Variants in SCARA5 observed in about 807,000 individuals in gnomAD.
SCARA5 encodes the protein scavenger receptor class A, member 5 (putative).
A neutral mutation model predicts 46.3 loss-of-function variants in SCARA5; 45 were observed. That is an observed-to-expected ratio of 0.97 (90% CI 0.76 to 1.24). The LOEUF (loss-of-function observed/expected upper bound fraction) is 1.24. SCARA5 is among the 50% of genes most tolerant of loss of function. The pLI is 0.00. For synonymous variants in SCARA5, 333 were observed against 306.5 expected (o/e 1.09, Z -0.90); for missense variants, 680 against 689.0 (o/e 0.99, Z 0.15).
At chr8:27,958,303 C>T (rs2129918449) in intron 3 of SCARA5, among the ~76,000 whole-genome samples, 1 of 152,334 alleles carries the variant, frequency 6.6e-6, no homozygotes, top group South Asian at 2.1e-4. Context: ...TCCTCCTCCC[C>T]CTCTTCCGGG....
chr8:27,959,291 T>C (rs1211674168), intron 3 of SCARA5, among the ~76,000 whole-genome samples: 2 of 152,136 alleles, frequency 1.3e-5, no homozygotes, highest in African/African-American at 4.8e-5. Context: ...TCAACATCCA[T>C]GGTCACAGCC....
chr8:27,982,221 C>G (rs1044907275), intron 2 of SCARA5, among the ~76,000 whole-genome samples: 3 of 152,076 alleles, frequency 2.0e-5, no homozygotes, highest in Admixed American at 6.5e-5. Flanking sequence ...TTTTCTGACA[C>G]TAACACCTCT....
At chr8:27,961,044 T>A (rs1336673013) in intron 3 of SCARA5, among the ~76,000 whole-genome samples, 1 of 152,184 alleles carries the variant, frequency 6.6e-6, no homozygotes, top group East Asian at 1.9e-4. Context: ...ACAGATAACC[T>A]GGGGCTAAAC....
intron 4 of SCARA5, among the ~76,000 whole-genome samples, chr8:27,916,619 C>G (rs927069810): frequency 1.3e-5 from 2 of 152,188 alleles, no homozygotes; most frequent in Admixed American, 6.5e-5. Flanking sequence ...TGACCTAGCC[C>G]TTGTTCAAAA....
chr8:27,906,287 A>G (rs1423979293), intron 6 of SCARA5, among the ~76,000 whole-genome samples: 1 of 152,224 alleles, frequency 6.6e-6, no homozygotes, highest in Non-Finnish European at 1.5e-5. Flanking sequence ...CAGTGATGCT[A>G]CGAGGCTTAG....
chr8:27,907,302 CAGAGG>C, intron 5 of SCARA5, 56 bp from the exon 6 acceptor site: 1 of 1,315,156 alleles, frequency 7.6e-7, no homozygotes. Flanking sequence ...GAAGGACCCT[CAGAGG>C]TCATCGTCGG....
chr8:27,981,404 C>T (rs1201844480), intron 2 of SCARA5, among the ~76,000 whole-genome samples: 1 of 152,180 alleles, frequency 6.6e-6, no homozygotes, highest in Non-Finnish European at 1.5e-5. Context: ...GTGGACAGGG[C>T]AGCTTTAAAG....
chr8:27,922,428 C>T (rs1368436414), intron 3 of SCARA5, among the ~76,000 whole-genome samples, 183 bp from the exon 4 acceptor site: 1 of 152,106 alleles, frequency 6.6e-6, no homozygotes, highest in African/African-American at 2.4e-5. Context: ...CCAGTGGTCC[C>T]CAAACCTGCC....
At chr8:27,990,296 T>C (rs1370866298) in intron 1 of SCARA5, among the ~76,000 whole-genome samples, 2 of 152,040 alleles carry the variant, frequency 1.3e-5, no homozygotes, top group African/African-American at 4.8e-5. Context: ...GTTTGTTACT[T>C]GGAATTGAAA....
intron 3 of SCARA5, among the ~76,000 whole-genome samples, chr8:27,938,657 G>C (rs552131975): frequency 6.6e-6 from 1 of 152,256 alleles, no homozygotes; most frequent in South Asian, 2.1e-4. Flanking sequence ...ATCAGTACAC[G>C]GAGAGAGATG....
chr8:27,913,344 C>T (rs1807409645), intron 4 of SCARA5, among the ~76,000 whole-genome samples: 1 of 152,172 alleles, frequency 6.6e-6, no homozygotes, highest in African/African-American at 2.4e-5. Context: ...CCTCGAGGGG[C>T]CGAGCTGCCA....
chr8:27,973,976 C>T (rs1808484340), intron 2 of SCARA5, among the ~76,000 whole-genome samples: 1 of 152,150 alleles, frequency 6.6e-6, no homozygotes, highest in Admixed American at 6.5e-5. Flanking sequence ...TGCTAAGATA[C>T]TCTATCCTGG....
chr8:27,978,318 A>G (rs778385969), intron 2 of SCARA5, among the ~76,000 whole-genome samples: 82 of 151,650 alleles, frequency 5.4e-4, no homozygotes, highest in Non-Finnish European at 9.9e-4. Flanking sequence ...GGTGTGAGCC[A>G]CCACACCTGG....
At chr8:27,948,324 A>G (rs1391927874) in intron 3 of SCARA5, among the ~76,000 whole-genome samples, 1 of 152,014 alleles carries the variant, frequency 6.6e-6, no homozygotes, top group African/African-American at 2.4e-5. Context: ...CCTTGGCCAC[A>G]CCCAAGGCCA....
intron 2 of SCARA5, among the ~76,000 whole-genome samples, chr8:27,968,072 A>T (rs959012567): frequency 1.3e-5 from 2 of 152,180 alleles, no homozygotes; most frequent in African/African-American, 4.8e-5. Context: ...TTGCAAGGAT[A>T]CCTCAAAGGT....
intron 2 of SCARA5, among the ~76,000 whole-genome samples, chr8:27,976,120 G>C (rs1234169817): frequency 6.6e-6 from 1 of 152,166 alleles, no homozygotes; most frequent in Non-Finnish European, 1.5e-5. Context: ...TCCGCAGCCG[G>C]GGCTGAGGGG....
intron 3 of SCARA5, among the ~76,000 whole-genome samples, chr8:27,955,239 C>A (rs547981687): frequency 6.6e-6 from 1 of 152,176 alleles, no homozygotes; most frequent in Non-Finnish European, 1.5e-5. Flanking sequence ...AGAAACACAG[C>A]GAGGGACCCT....
intron 3 of SCARA5, among the ~76,000 whole-genome samples, chr8:27,964,185 T>C (rs1482943321): frequency 6.6e-6 from 1 of 152,172 alleles, no homozygotes; most frequent in Non-Finnish European, 1.5e-5. Flanking sequence ...TTGTCCACCA[T>C]CTTGCCAAGT....
intron 7 of SCARA5, among the ~76,000 whole-genome samples, chr8:27,883,639 G>T (rs4276642): frequency 0.78 from 118,420 of 152,098 alleles, 46,181 homozygotes; most frequent in Non-Finnish European, 0.8. Context: ...TTAGATTAGA[G>T]GGTCAATCAG....
Sources: allele counts gnomAD v4.1 joint callset (sites outside exome capture counted in the v4.1 genomes callset), GRCh38; gene constraint gnomAD v4.1.1; transcripts MANE v1.5; gene names NCBI Gene and HGNC (gene_info 2026-07-23, HGNC 2026-07-21).